The following THSD7A variants were observed in gnomAD, a reference collection of about 807,000 sequenced individuals.
THSD7A encodes thrombospondin type-1 domain-containing protein 7A.
In THSD7A, 96 loss-of-function variants were observed where a neutral mutation model predicts 231.3. The ratio of observed to expected loss-of-function variants is 0.41; its 90% confidence interval spans 0.35 to 0.49. The LOEUF (loss-of-function observed/expected upper bound fraction) is 0.49. Ranked by LOEUF, THSD7A falls within the 20% of genes least tolerant of loss-of-function variation. THSD7A has a pLI of 0.05. For synonymous variants in THSD7A, 940 were observed against 743.3 expected (o/e 1.26, Z -4.30); for missense variants, 2,290 against 2,070.2 (o/e 1.11, Z -2.06).
At chr7:11,682,201 G>A (rs1015760824) in intron 1 of THSD7A, among the ~76,000 whole-genome samples, 1 of 152,046 alleles carries the variant, frequency 6.6e-6, no homozygotes, top group African/African-American at 2.4e-5. Context: ...ACATAATCAA[G>A]AGTACAAAGA....
intron 1 of THSD7A, among the ~76,000 whole-genome samples, chr7:11,771,252 T>C (rs935429772): frequency 5.3e-5 from 8 of 151,510 alleles, no homozygotes; most frequent in Non-Finnish European, 7.4e-5. Context: ...TATTGAATAC[T>C]AACTATCATG....
chr7:11,783,951 A>C (rs1447024733), intron 1 of THSD7A, among the ~76,000 whole-genome samples: 1 of 152,110 alleles, frequency 6.6e-6, no homozygotes, highest in African/African-American at 2.4e-5. Context: ...TTACCAATAC[A>C]TAGGCTCACT....
At chr7:11,809,409 G>A (rs1784473048) in intron 1 of THSD7A, among the ~76,000 whole-genome samples, 1 of 152,114 alleles carries the variant, frequency 6.6e-6, no homozygotes. Context: ...AGTTGTGGCT[G>A]TCTGTTGCTT....
chr7:11,412,678 G>A lies in THSD7A; in HGVS notation c.3660C>T (p.Tyr1220=), dbSNP rs147688377. The A allele has an allele frequency of 3.1e-6, 5 of 1,613,772 alleles. No homozygotes were observed. The African/African-American group carries it at 4.0e-5, about 13-fold the overall frequency. The change falls in exon 18 of 28, where the codon TAC becomes TAT. Residue 1220 remains tyrosine, a synonymous_variant. Coordinates refer to ENST00000423059, the MANE Select transcript of THSD7A (RefSeq NM_015204.3). ...TACCTGTTACATTATAATCATAGTG[G>A]TAGCAGTTTTTGTTCAGGTTACAGG... ...KEPCNLNKNC[Y]HYDYNVTDWS... is the part of the protein sequence containing the mutation.
intron 23 of THSD7A, among the ~76,000 whole-genome samples, chr7:11,401,204 T>C (rs1351605294): frequency 2.6e-5 from 4 of 152,206 alleles, no homozygotes; most frequent in Non-Finnish European, 5.9e-5. Flanking sequence ...GTTAGACTCC[T>C]ACCTGATCAT....
intron 1 of THSD7A, among the ~76,000 whole-genome samples, chr7:11,700,538 A>G (rs1442485569): frequency 6.6e-6 from 1 of 151,304 alleles, no homozygotes; most frequent in Non-Finnish European, 1.5e-5. Flanking sequence ...ACAAAATGAC[A>G]GGATCTTTAC....
chr7:11,630,923 G>A (rs1781625672), intron 2 of THSD7A, among the ~76,000 whole-genome samples: 1 of 152,200 alleles, frequency 6.6e-6, no homozygotes, highest in Non-Finnish European at 1.5e-5. Context: ...CACAGGCTAT[G>A]CTTGTTGCAG....
At chr7:11,428,694 T>C (rs1784393079) in intron 14 of THSD7A, among the ~76,000 whole-genome samples, 1 of 152,168 alleles carries the variant, frequency 6.6e-6, no homozygotes, top group Admixed American at 6.5e-5. Context: ...ATTTCAAAGA[T>C]AGGTGTCATT....
chr7:11,657,650 C>T (rs186300896), intron 1 of THSD7A, among the ~76,000 whole-genome samples: 6 of 151,812 alleles, frequency 4.0e-5, no homozygotes, highest in Non-Finnish European at 8.8e-5. Context: ...CTCTATTGTT[C>T]ACCAAGTATT....
intron 2 of THSD7A, among the ~76,000 whole-genome samples, chr7:11,597,666 G>A (rs1171245176): frequency 6.6e-6 from 1 of 152,148 alleles, no homozygotes; most frequent in Non-Finnish European, 1.5e-5. Flanking sequence ...GGGCTTTGGT[G>A]GAAATTGAAC....
At chr7:11,700,311 G>A (rs936400099) in intron 1 of THSD7A, among the ~76,000 whole-genome samples, 3 of 151,254 alleles carry the variant, frequency 2.0e-5, no homozygotes, top group Admixed American at 1.3e-4. Flanking sequence ...GTACAATAAC[G>A]TAGTTAAGGG....
chr7:11,523,526 T>C (rs1453910813), intron 6 of THSD7A, among the ~76,000 whole-genome samples: 1 of 152,062 alleles, frequency 6.6e-6, no homozygotes, highest in Non-Finnish European at 1.5e-5. Context: ...AAAATTTCCA[T>C]AATCCCTGAC....
Position 11,808,494 on chromosome 7 carries a change from A to G in THSD7A, c.190+23263T>C, listed in dbSNP as rs544256575. Among the ~76,000 whole-genome samples, 4 of 152,336 alleles carry G rather than the reference A, an allele frequency of 2.6e-5. No homozygotes were observed. The South Asian group carries it at 6.2e-4, about 24-fold the overall frequency. On this transcript the variant is annotated intron_variant, in intron 1 of 27. Coordinates refer to ENST00000423059, the MANE Select transcript of THSD7A (RefSeq NM_015204.3). The stretch of plus-strand genomic sequence containing the variant: ...GTCTGTTCTTTATAAATTACCCAGT[A>G]TTGGGTATTCTGTTATAGCAGCACA...
At chr7:11,404,727 ATTTTC>A (rs1196750288) in intron 22 of THSD7A, among the ~76,000 whole-genome samples, 2 of 151,884 alleles carry the variant, frequency 1.3e-5, no homozygotes, top group Non-Finnish European at 2.9e-5. Context: ...AGAAAGTCAG[ATTTTC>A]TTTTCTTTTA....
At position 11,382,615 on chromosome 7, in the gene THSD7A, A is replaced by T. The variant is rs1258309223; in HGVS notation, c.4413T>A (p.Asp1471Glu). The change falls in exon 24 of 28, where the codon GAT (aspartate) becomes GAA (glutamate). Residue 1471 changes from aspartate (D) to glutamate (E), a missense_variant and splice_region_variant. Coordinates refer to ENST00000423059, the MANE Select transcript of THSD7A (RefSeq NM_015204.3). ...EQMLETKSCYDGQCYEYKWMA... is the reference protein window; with the variant it reads ...EQMLETKSCYEGQCYEYKWMA... ...TCCATTTATATTCATAGCACTGTCCATCTGCAGGGAAATAATAAACATTAG... is the reference window on the plus strand; with the variant it reads ...TCCATTTATATTCATAGCACTGTCCTTCTGCAGGGAAATAATAAACATTAG... 6.2e-7 allele frequency: 1 copy of T among 1,610,690 alleles called. No individual in the cohort carries two copies. Among genetic ancestry groups the T allele is most frequent in the South Asian group, 1.1e-5 (1 of 90,850 alleles).
At chr7:11,442,376 A>G (rs1242719253) in intron 13 of THSD7A, among the ~76,000 whole-genome samples, 4 of 152,084 alleles carry the variant, frequency 2.6e-5, no homozygotes, top group Non-Finnish European at 5.9e-5. Context: ...GAATATAATA[A>G]CTGGTAATAT....
chr7:11,749,034 T>A (rs1157694597), intron 1 of THSD7A, among the ~76,000 whole-genome samples: 1 of 151,882 alleles, frequency 6.6e-6, no homozygotes, highest in African/African-American at 2.4e-5. Flanking sequence ...CCAAATATTA[T>A]TGAGAGAGCT....
chr7:11,677,743 G>C (rs1246153431), intron 1 of THSD7A, among the ~76,000 whole-genome samples: 1 of 151,892 alleles, frequency 6.6e-6, no homozygotes, highest in Admixed American at 6.6e-5. Flanking sequence ...CACAATAATA[G>C]TGGGAGACTT....
intron 6 of THSD7A, among the ~76,000 whole-genome samples, chr7:11,524,638 G>A (rs1788399888): frequency 6.6e-6 from 1 of 152,010 alleles, no homozygotes; most frequent in African/African-American, 2.4e-5. Context: ...AGCTCCACAG[G>A]GTCTGAGCTT....
Sources: gnomAD v4.1 joint callset for allele counts (sites outside exome capture counted in the v4.1 genomes callset) on GRCh38, gnomAD v4.1.1 for gene constraint, MANE v1.5 for transcripts, NCBI Gene and HGNC (gene_info 2026-07-23, HGNC 2026-07-21) for gene names.